The following MTA3 variants were observed in gnomAD, a reference collection of about 807,000 sequenced individuals.
MTA3 encodes metastasis-associated protein MTA3.
Under a neutral mutation model 83.5 loss-of-function variants are expected in MTA3, and 34 were observed. The observed-to-expected ratio is 0.41, with a 90% CI of 0.31 to 0.54. The LOEUF is 0.54. MTA3 is among the 20% of genes least tolerant of loss of function. The pLI, the probability that MTA3 is intolerant of heterozygous loss-of-function variation, is 0.33. For synonymous variants in MTA3, 303 were observed against 252.7 expected (o/e 1.20, Z -1.89); for missense variants, 761 against 726.4 (o/e 1.05, Z -0.55).
At chr2:42,710,029 T>C (rs1481289207) in intron 14 of MTA3, among the ~76,000 whole-genome samples, 2 of 152,216 alleles carry the variant, frequency 1.3e-5, no homozygotes, top group African/African-American at 2.4e-5. Context: ...GCAGCTTTTG[T>C]TCCTTAAGGG....
intron 9 of MTA3, among the ~76,000 whole-genome samples, chr2:42,687,445 T>C (rs1180684687): frequency 6.6e-6 from 1 of 152,246 alleles, no homozygotes; most frequent in Non-Finnish European, 1.5e-5. Context: ...ACAATCAGTT[T>C]ATTCATTCAC....
At chr2:42,683,267 A>G (rs878925953) in intron 9 of MTA3, among the ~76,000 whole-genome samples, 2 of 151,980 alleles carry the variant, frequency 1.3e-5, no homozygotes, top group African/African-American at 4.8e-5. Flanking sequence ...AGCTTTCTGT[A>G]TTTTTCTAGT....
chr2:42,753,602 G>A lies in MTA3; in HGVS notation c.*203G>A, dbSNP rs1370541649. 4.3e-6 allele frequency: 6 copies of A among 1,380,240 alleles called. No homozygotes were observed. In the South Asian group the frequency reaches 7.9e-5, roughly 18 times the overall value. The allele number at this position is 1,380,240 out of a possible 1,614,324, so 85.5% of individuals were successfully genotyped here. The stretch of plus-strand genomic sequence containing the variant: ...CTGTGTCTCCACGTGTGGATCAGCA[G>A]CACCTCGCTTTCTTGTCAGAGACCT... On this transcript the variant is annotated 3_prime_UTR_variant, in exon 17 of 17. Coordinates refer to ENST00000405094, the MANE Select transcript of MTA3 (RefSeq NM_001330442.2).
chr2:42,541,061 T>A (rs1415958072), intron 2 of MTA3, among the ~76,000 whole-genome samples: 1 of 151,756 alleles, frequency 6.6e-6, no homozygotes, highest in Non-Finnish European at 1.5e-5. Flanking sequence ...GATGGAGTTT[T>A]GCTCTTGTTG....
At chr2:42,595,403 C>T (rs2103965876) in intron 3 of MTA3, among the ~76,000 whole-genome samples, 1 of 152,176 alleles carries the variant, frequency 6.6e-6, no homozygotes, top group African/African-American at 2.4e-5. Context: ...AGCCACTGTG[C>T]CCGGCATGTT....
intron 4 of MTA3, among the ~76,000 whole-genome samples, chr2:42,628,571 A>G (rs1001915335): frequency 3.9e-5 from 6 of 152,190 alleles, no homozygotes; most frequent in Non-Finnish European, 8.8e-5. Flanking sequence ...AAGAGGAGAT[A>G]AACACATTGG....
chr2:42,524,122 C>G (rs1675556691), intron 2 of MTA3, among the ~76,000 whole-genome samples: 1 of 152,020 alleles, frequency 6.6e-6, no homozygotes, highest in South Asian at 2.1e-4. Context: ...TATGCTGACC[C>G]TAACAAAGGG....
At chr2:42,654,767 AC>A (rs1689012649) in intron 6 of MTA3, among the ~76,000 whole-genome samples, 1 of 152,174 alleles carries the variant, frequency 6.6e-6, no homozygotes, top group Non-Finnish European at 1.5e-5. Flanking sequence ...GGCATATGCC[AC>A]AACACATGGC....
At chr2:42,693,045 C>G (rs1375596225) in intron 9 of MTA3, among the ~76,000 whole-genome samples, 5 of 152,028 alleles carry the variant, frequency 3.3e-5, no homozygotes, top group Admixed American at 2.0e-4. Flanking sequence ...ACCAGACAGA[C>G]TCTTGTTCTT....
At chr2:42,623,451 C>CT (rs1158755238) in intron 4 of MTA3, among the ~76,000 whole-genome samples, 2 of 152,204 alleles carry the variant, frequency 1.3e-5, no homozygotes, top group Non-Finnish European at 2.9e-5. Flanking sequence ...ACGCCGCTGT[C>CT]TTTGGGTCTT....
intron 2 of MTA3, among the ~76,000 whole-genome samples, chr2:42,553,235 C>G (rs1398302385): frequency 1.3e-5 from 2 of 151,716 alleles, no homozygotes; most frequent in Non-Finnish European, 2.9e-5. Context: ...ACAATCCTGG[C>G]TAACGCGGTG....
chr2:42,671,548 C>G (rs1350270302), intron 8 of MTA3, among the ~76,000 whole-genome samples: 1 of 152,148 alleles, frequency 6.6e-6, no homozygotes, highest in African/African-American at 2.4e-5. Context: ...TTTAAAATTA[C>G]TTTTCATGAT....
intron 16 of MTA3, among the ~76,000 whole-genome samples, chr2:42,747,154 C>A (rs936140594): frequency 6.6e-6 from 1 of 152,122 alleles, no homozygotes; most frequent in African/African-American, 2.4e-5. Flanking sequence ...CACATGCCAC[C>A]ATTCCCAGCT....
chr2:42,615,259 TC>T (rs371062605), intron 4 of MTA3, among the ~76,000 whole-genome samples: 1 of 151,176 alleles, frequency 6.6e-6, no homozygotes, highest in Admixed American at 6.6e-5. Flanking sequence ...TCTGTTTTTT[TC>T]TTTTTTTTTT....
In MTA3 at chr2:42,609,524, T is replaced by C. The variant is rs1429060906; in HGVS notation, c.257T>C (p.Leu86Ser). 10 of 1,613,860 alleles carry C rather than the reference T, an allele frequency of 6.2e-6. No individual in the cohort carries two copies. The Admixed American group carries it at 1.5e-4, about 24-fold the overall frequency. The change falls in exon 4 of 17, where the codon TTG becomes TCG. Residue 86 changes from leucine to serine, a missense_variant. By Grantham distance (145) the Leu-to-Ser change is moderately radical (BLOSUM62 -2). Transcript: ENST00000405094. The stretch of plus-strand genomic sequence containing the variant: ...TTGACCGATAAGCAGAAACATCAGT[T>C]GAAACATAGGGAACTCTTTTTGTCA... ...ADLTDKQKHQ[L>S]KHRELFLSRQ...
Position 42,570,426 on chromosome 2 carries a change from T to C in MTA3, c.29-11T>C. The C allele has an allele frequency of 6.7e-7, 1 of 1,490,800 alleles. No individual in the cohort carries two copies. Among genetic ancestry groups the C allele is most frequent in the Non-Finnish European group, 9.1e-7 (1 of 1,096,348 alleles). 92.3% of individuals were successfully genotyped at this position (1,490,800 alleles called of 1,614,324 possible). Reference sequence around the variant, plus strand: ...TAAAAAGATTAAGTTCTGTACTTCCTTTAATTACAGATTATGTCTACTTTG... The same window carrying C: ...TAAAAAGATTAAGTTCTGTACTTCCCTTAATTACAGATTATGTCTACTTTG... On this transcript the variant is annotated splice_polypyrimidine_tract_variant and intron_variant, in intron 1 of 16. Transcript: ENST00000405094.
At chr2:42,583,400 T>C (rs543763641) in intron 3 of MTA3, among the ~76,000 whole-genome samples, 5 of 152,228 alleles carry the variant, frequency 3.3e-5, no homozygotes, top group Non-Finnish European at 7.3e-5. Flanking sequence ...ATTCATGTTT[T>C]ATGAGGAGTT....
At chr2:42,580,753 G>A (rs1679529360) in intron 3 of MTA3, among the ~76,000 whole-genome samples, 2 of 151,928 alleles carry the variant, frequency 1.3e-5, no homozygotes, top group Admixed American at 6.6e-5. Context: ...GCACCACCAT[G>A]CCCAGCTAAT....
At chr2:42,644,271 T>C (rs764596107) in intron 6 of MTA3, 27 bp downstream of exon 6, 2 of 1,486,824 alleles carry the variant, frequency 1.3e-6, no homozygotes, top group Non-Finnish European at 1.9e-6. Flanking sequence ...GTTTGCAGTT[T>C]TGTGAAACAA....
Sources: allele counts gnomAD v4.1 joint callset (sites outside exome capture counted in the v4.1 genomes callset), GRCh38; gene constraint gnomAD v4.1.1; transcripts MANE v1.5; gene names NCBI Gene and HGNC (gene_info 2026-07-23, HGNC 2026-07-21).